Variants in ZAN observed in about 807,000 individuals in gnomAD.
ZAN encodes the protein zonadhesin (gene/pseudogene).
A neutral mutation model predicts 286.2 loss-of-function variants in ZAN; 260 were observed. That is an observed-to-expected ratio of 0.91 (90% CI 0.82 to 1.01). The LOEUF (loss-of-function observed/expected upper bound fraction) is 1.01. ZAN is among the 50% of genes least tolerant of loss of function. The pLI is 0.00. For missense variants in ZAN, 3,410 were observed against 3,639.2 expected (o/e 0.94, Z 1.62); for synonymous variants, 1,368 against 1,417.5 (o/e 0.97, Z 0.79).
intron 18 of ZAN, 86 bp from the exon 19 acceptor site, chr7:100,760,305 G>T: frequency 6.5e-7 from 1 of 1,542,506 alleles, no homozygotes; most frequent in Non-Finnish European, 8.9e-7. Flanking sequence ...ATGGTGTCCT[G>T]CCTCCCAGCT....
In ZAN at chr7:100,755,448, T is replaced by C. The variant is rs373678497; in HGVS notation, c.3309+38T>C. 4.4e-6 allele frequency: 7 copies of C among 1,597,624 alleles called. No individual in the cohort carries two copies. In the African/African-American group the frequency reaches 6.7e-5, roughly 15 times the overall value. On this transcript the variant is annotated intron_variant, in intron 15 of 47. Transcript: ENST00000613979. ...GGATGCTGGGGTCCCATGAGGGAGA[T>C]TGATGGCAGAACACCTGGGTTCCAG... is the stretch of plus-strand genomic sequence containing the variant.
chr7:100,790,606 G>C (rs1811875719), intron 39 of ZAN, among the ~76,000 whole-genome samples: 1 of 149,748 alleles, frequency 6.7e-6, no homozygotes, highest in Non-Finnish European at 1.5e-5. Context: ...GTGAGGGCTA[G>C]GCGCGGTGGC....
chr7:100,762,402 C>T (rs1459526235), intron 20 of ZAN, 44 bp downstream of exon 20: 1 of 1,526,182 alleles, frequency 6.6e-7, no homozygotes, highest in Non-Finnish European at 8.8e-7. Flanking sequence ...AAGGTTCCGT[C>T]CCCTTCCTGG....
chr7:100,760,825 G>A (rs948939144), intron 19 of ZAN, among the ~76,000 whole-genome samples: 2 of 152,168 alleles, frequency 1.3e-5, no homozygotes, highest in African/African-American at 4.8e-5. Context: ...TTTCTGAAGG[G>A]CAGTCACCTG....
At position 100,797,627 on chromosome 7, in the gene ZAN, A is replaced by G. The variant is rs1812453055; in HGVS notation, c.8413+4A>G. 6.2e-7 allele frequency: 1 copy of G among 1,613,946 alleles called. No individual in the cohort carries two copies. The highest frequency in any genetic ancestry group is 2.2e-5 in the East Asian group (1 of 44,878). ...CTGGCCAGGCTGGTGGACACAGGTG[A>G]GAACCAACCCCACAGCCCGGAACCT... is the stretch of plus-strand genomic sequence containing the variant. On this transcript the variant is annotated splice_donor_region_variant and intron_variant, in intron 47 of 47. Transcript: ENST00000613979.
In ZAN at chr7:100,787,917, C is replaced by T. The variant is rs1478858558; in HGVS notation, c.7008C>T (p.Asp2336=). 2.6e-6 allele frequency: 4 copies of T among 1,543,270 alleles called. No homozygotes were observed. Among genetic ancestry groups the T allele is most frequent in the Non-Finnish European group, 3.5e-6 (4 of 1,132,214 alleles). ...DKSEQCSVYG[D]PRYLTFDGFS... ...CTGAACAATGCTCAGTCTATGGCGACCCCCGTTACCTCACATTTGACGGCT... is the reference window on the plus strand; with the variant it reads ...CTGAACAATGCTCAGTCTATGGCGATCCCCGTTACCTCACATTTGACGGCT... Residue 2336 remains aspartate (D), a synonymous_variant, in exon 38 of 48, where the codon GAC becomes GAT. Coordinates refer to ENST00000613979, the MANE Select transcript of ZAN (RefSeq NM_003386.3).
chr7:100,758,822 C>T (rs1234352493), intron 17 of ZAN, among the ~76,000 whole-genome samples, 172 bp downstream of exon 17: 2 of 152,122 alleles, frequency 1.3e-5, no homozygotes, highest in Non-Finnish European at 1.5e-5. Flanking sequence ...GTGACTCACA[C>T]TGGTAACCTC....
At chr7:100,767,694 A>T in intron 25 of ZAN, 137 bp from the exon 26 acceptor site, 1 of 975,138 alleles carries the variant, frequency 1.0e-6, no homozygotes, top group Non-Finnish European at 1.5e-6. Flanking sequence ...GCCCAGGCTG[A>T]TCTCGAGATC....
chr7:100,779,847 G>C, intron 35 of ZAN, 97 bp downstream of exon 35: 1 of 1,284,908 alleles, frequency 7.8e-7, no homozygotes, highest in Non-Finnish European at 1.0e-6. Context: ...GTTCGTTCCT[G>C]ACTAACTCAG....
rs769693127 is a variant in ZAN, at chr7:100,753,168, T to C, written c.3063T>C (p.Ala1021=). Residue 1021 remains alanine, a synonymous_variant, in exon 14 of 48, where the codon GCT becomes GCC. Coordinates refer to ENST00000613979, the MANE Select transcript of ZAN (RefSeq NM_003386.3). ...GLAALVMSPH[A]PSTPMTSVIL... ...CAGCCTTGGTGATGTCTCCACATGC[T>C]CCAAGTACCCCTATGACCAGTGTGA... 2.5e-6 allele frequency: 4 copies of C among 1,613,600 alleles called. No individual in the cohort carries two copies. The East Asian group carries it at 8.9e-5, about 36-fold the overall frequency.
chr7:100,790,070 G>C (rs1811836974), intron 39 of ZAN, among the ~76,000 whole-genome samples: 1 of 151,888 alleles, frequency 6.6e-6, no homozygotes, highest in African/African-American at 2.4e-5. Context: ...ACCAGCCTGG[G>C]CAACATAGCA....
chr7:100,747,615 A>G lies in ZAN; in HGVS notation c.997A>G (p.Asn333Asp). Residue 333 changes from asparagine to aspartate, a missense_variant, in exon 9 of 48, where the codon AAT becomes GAT. Transcript: ENST00000613979. ...GCCCAACTGGCAGGCTGTTTCTGTC[A>G]ATTACACAGCCGTGGGACGGATACA... Reference protein sequence around the residue: ...PGPNWQAVSVNYTAVGRIQFA... With the variant: ...PGPNWQAVSVDYTAVGRIQFA... The G allele has an allele frequency of 6.2e-7, 1 of 1,613,792 alleles. No individual in the cohort carries two copies. Among genetic ancestry groups the G allele is most frequent in the Non-Finnish European group, 8.5e-7 (1 of 1,179,826 alleles).
chr7:100,793,900 G>A lies in ZAN; in HGVS notation c.7868G>A (p.Arg2623Gln), dbSNP rs751853737. 1.1e-5 allele frequency: 18 copies of A among 1,613,746 alleles called. No homozygotes were observed. Among genetic ancestry groups the A allele is most frequent in the Admixed American group, 6.7e-5 (4 of 59,978 alleles). ...PSILCQPGRP[R>Q]GLRGPLRGRL... ...ATCCTGTGCCAACCTGGCAGACCCC[G>A]GGGACTGCGAGGGCCCCTGCGTGGA... Residue 2623 changes from arginine (R) to glutamine (Q), a missense_variant, in exon 43 of 48, where the codon CGG becomes CAG. This residue lies in a region of ZAN where 1,289 missense variants were observed against 1,314.3 expected (regional missense o/e 0.98). Coordinates refer to ENST00000613979, the MANE Select transcript of ZAN (RefSeq NM_003386.3).
intron 7 of ZAN, among the ~76,000 whole-genome samples, chr7:100,745,665 T>C (rs926827493): frequency 2.3e-4 from 34 of 147,956 alleles, no homozygotes; most frequent in African/African-American, 7.5e-4. Context: ...GCGGGAGGAT[T>C]GCTTGAGGCC....
At chr7:100,755,953 C>T (rs776631270) in intron 15 of ZAN, among the ~76,000 whole-genome samples, 2 of 151,944 alleles carry the variant, frequency 1.3e-5, no homozygotes, top group African/African-American at 2.4e-5. Context: ...TGCAGTGGCA[C>T]GATCTTAGCT....
At position 100,790,900 on chromosome 7, in the gene ZAN, G is replaced by C. The variant is rs373351117; in HGVS notation, c.7358-42G>C. 6.5e-5 allele frequency: 61 copies of C among 938,034 alleles called. No homozygotes were observed. In the South Asian group the frequency reaches 9.8e-4, roughly 15 times the overall value. The allele number at this position is 938,034 out of a possible 1,614,324, so 58.1% of individuals were successfully genotyped here. ...TGTCTAAAAAAAAAAAAAAAAAAAA[G>C]AGTGAGGAGTCTCACTTCTGGGGAC... On this transcript the variant is annotated intron_variant, in intron 39 of 47. Coordinates refer to ENST00000613979, the MANE Select transcript of ZAN (RefSeq NM_003386.3).
At chr7:100,794,367 A>T in intron 44 of ZAN, 109 bp downstream of exon 44, 1 of 1,485,736 alleles carries the variant, frequency 6.7e-7, no homozygotes, top group South Asian at 1.4e-5. Context: ...TGATTTCAGG[A>T]TGTCTGTCCC....
At chr7:100,756,960 G>T (rs1001492279) in intron 15 of ZAN, among the ~76,000 whole-genome samples, 2 of 152,014 alleles carry the variant, frequency 1.3e-5, no homozygotes, top group Non-Finnish European at 2.9e-5. Flanking sequence ...TAGAGATGGG[G>T]TTTCTTCATG....
Position 100,778,441 on chromosome 7 carries a change from A to C in ZAN, c.6318-1005A>C, listed in dbSNP as rs1346951099. ...CAACATAGCAAGACCTCATCTCTAC[A>C]GAAAAAAAAAAAAAAGAAAAGAAAG... On this transcript the variant is annotated intron_variant, in intron 34 of 47. Transcript: ENST00000613979. Among the ~76,000 whole-genome samples, 4 of 117,860 alleles carry C rather than the reference A, an allele frequency of 3.4e-5. No homozygotes were observed. The Admixed American group carries it at 3.9e-4, about 12-fold the overall frequency. The allele number at this position is 117,860 out of a possible 152,430, so 77.3% of individuals were successfully genotyped here.
Sources: gnomAD v4.1 joint callset for allele counts (sites outside exome capture counted in the v4.1 genomes callset) on GRCh38, gnomAD v4.1.1 for gene constraint, gnomAD v4.1.1 regional missense constraint, MANE v1.5 for transcripts, NCBI Gene and HGNC (gene_info 2026-07-23, HGNC 2026-07-21) for gene names.